SCHIP1: variants seen among roughly 807,000 people sequenced by gnomAD.
The protein encoded by SCHIP1 is schwannomin-interacting protein 1.
Under a neutral mutation model 29.7 loss-of-function variants are expected in SCHIP1, and 8 were observed. The observed-to-expected ratio is 0.27, with a 90% CI of 0.16 to 0.49. SCHIP1 has a LOEUF of 0.49. Among genes scored for constraint, SCHIP1 ranks in the 20% least tolerant of loss-of-function variants. SCHIP1 has a pLI of 0.99. For synonymous variants in SCHIP1, 76 were observed against 94.9 expected, an observed-to-expected ratio of 0.80 and a Z score of 1.16; for missense variants, 193 against 294.6, an observed-to-expected ratio of 0.66 and a Z score of 2.52.
chr3:159,673,630 G>T, the SCHIP1 span, among the ~76,000 whole-genome samples: 3 of 152,154 alleles, frequency 2.0e-5, no homozygotes, highest in African/African-American at 7.2e-5. Context: ...ATGAGTTACC[G>T]CAAATCCTTC....
the SCHIP1 span, among the ~76,000 whole-genome samples, chr3:159,472,618 C>G: frequency 6.6e-6 from 1 of 152,144 alleles, no homozygotes; most frequent in African/African-American, 2.4e-5. Context: ...TTTAAATACA[C>G]ACTTCAAAAA....
the SCHIP1 span, among the ~76,000 whole-genome samples, chr3:159,610,395 G>A: frequency 1.3e-5 from 2 of 152,162 alleles, no homozygotes; most frequent in Non-Finnish European, 2.9e-5. Context: ...GATTTTGTGG[G>A]GGGTGATGTT....
the SCHIP1 span, among the ~76,000 whole-genome samples, chr3:159,718,605 C>T: frequency 1.3e-5 from 2 of 152,112 alleles, no homozygotes; most frequent in Non-Finnish European, 2.9e-5. Context: ...AACAGAGAGC[C>T]AAATCATGAG....
At chr3:159,511,815 T>C in the SCHIP1 span, among the ~76,000 whole-genome samples, 1 of 152,174 alleles carries the variant, frequency 6.6e-6, no homozygotes, top group Admixed American at 6.5e-5. Flanking sequence ...AAAATGGAAC[T>C]TTATCTCTTA....
the SCHIP1 span, among the ~76,000 whole-genome samples, chr3:159,832,603 C>T: frequency 3.3e-5 from 5 of 152,206 alleles, no homozygotes; most frequent in South Asian, 2.1e-4. Flanking sequence ...TGGCATAACT[C>T]GTGACTTCCT....
At chr3:159,279,899 C>A in the SCHIP1 span, among the ~76,000 whole-genome samples, 11 of 152,180 alleles carry the variant, frequency 7.2e-5, no homozygotes, top group African/African-American at 2.6e-4. Context: ...ACATTGGATG[C>A]AATGGTTACA....
chr3:159,344,103 C>A, the SCHIP1 span, among the ~76,000 whole-genome samples: 1,700 of 152,086 alleles, frequency 0.011, 20 homozygotes, highest in South Asian at 0.033. Context: ...GAGGCTGGGG[C>A]GGGCAGATCA....
the SCHIP1 span, among the ~76,000 whole-genome samples, chr3:159,697,671 G>C: frequency 6.6e-6 from 1 of 152,084 alleles, no homozygotes; most frequent in Admixed American, 6.5e-5. Context: ...AAATTGTGGT[G>C]GTACTGATAT....
intron 1 of SCHIP1, among the ~76,000 whole-genome samples, chr3:159,863,685 T>C (rs983956769): frequency 1.3e-5 from 2 of 152,244 alleles, no homozygotes; most frequent in Non-Finnish European, 2.9e-5. Flanking sequence ...GTGATGTTTA[T>C]ATTCTTTAAG....
the SCHIP1 span, among the ~76,000 whole-genome samples, chr3:159,625,526 T>C: frequency 2.0e-5 from 3 of 152,300 alleles, no homozygotes; most frequent in Non-Finnish European, 4.4e-5. Flanking sequence ...ATACTAAATC[T>C]TTTTTCTCTT....
the SCHIP1 span, among the ~76,000 whole-genome samples, chr3:159,557,746 CCT>C: frequency 6.6e-6 from 1 of 152,122 alleles, no homozygotes; most frequent in Admixed American, 6.5e-5. Flanking sequence ...TAATATATCC[CCT>C]TTGTTCTGAG....
chr3:159,649,422 A>G, the SCHIP1 span, among the ~76,000 whole-genome samples: 6 of 152,236 alleles, frequency 3.9e-5, no homozygotes, highest in Admixed American at 6.5e-5. Context: ...AAAACTGACA[A>G]TGACTAAAAA....
chr3:159,844,924 A>G (rs768997190), intron 1 of SCHIP1, among the ~76,000 whole-genome samples: 12 of 152,160 alleles, frequency 7.9e-5, no homozygotes, highest in Admixed American at 2.0e-4. Context: ...TGTGAATAAC[A>G]CTCATCTTTT....
chr3:159,425,808 C>A, the SCHIP1 span, among the ~76,000 whole-genome samples: 2 of 152,162 alleles, frequency 1.3e-5, no homozygotes, highest in South Asian at 4.1e-4. Context: ...CTCTCCTCAG[C>A]AAATGTAAAA....
chr3:159,645,069 T>A, the SCHIP1 span, among the ~76,000 whole-genome samples: 6 of 152,142 alleles, frequency 3.9e-5, no homozygotes, highest in Non-Finnish European at 7.4e-5. Flanking sequence ...ACAAACAAGT[T>A]GCCTTGATTT....
chr3:159,424,632 G>A, the SCHIP1 span, among the ~76,000 whole-genome samples: 1 of 152,172 alleles, frequency 6.6e-6, no homozygotes, highest in East Asian at 1.9e-4. Flanking sequence ...ATATTATCCA[G>A]GAGAACTTCC....
the SCHIP1 span, among the ~76,000 whole-genome samples, chr3:159,276,113 T>TA: frequency 6.6e-6 from 1 of 151,366 alleles, no homozygotes; most frequent in African/African-American, 2.4e-5. Context: ...TTTAACCCTT[T>TA]TGGCACTAAG....
chr3:159,491,738 G>A, the SCHIP1 span, among the ~76,000 whole-genome samples: 1 of 152,246 alleles, frequency 6.6e-6, no homozygotes, highest in Non-Finnish European at 1.5e-5. Context: ...CTGTCTGACA[G>A]CTTTGAAGAG....
chr3:159,373,080 C>T, the SCHIP1 span, among the ~76,000 whole-genome samples: 1 of 151,396 alleles, frequency 6.6e-6, no homozygotes, highest in East Asian at 1.9e-4. Flanking sequence ...ATTTTATTTG[C>T]CCTAAAACAG....
Sources: gnomAD v4.1 joint callset for allele counts (sites outside exome capture counted in the v4.1 genomes callset) on GRCh38, gnomAD v4.1.1 for gene constraint, MANE v1.5 for transcripts, NCBI Gene and HGNC (gene_info 2026-07-23, HGNC 2026-07-21) for gene names.